IPO11: variants seen among roughly 807,000 people sequenced by gnomAD.
IPO11 encodes the protein importin-11.
Under a neutral mutation model 143.2 loss-of-function variants are expected in IPO11, and 66 were observed. That is an observed-to-expected ratio of 0.46 (90% CI 0.38 to 0.57). IPO11 has a LOEUF of 0.57. IPO11 is among the 20% of genes least tolerant of loss of function. The pLI, the probability that IPO11 is intolerant of heterozygous loss-of-function variation, is 0.00. For synonymous variants in IPO11, 385 were observed against 377.8 expected, an observed-to-expected ratio of 1.02 and a Z score of -0.22; for missense variants, 1,026 against 1,141.0, an observed-to-expected ratio of 0.90 and a Z score of 1.45.
intron 1 of IPO11, among the ~76,000 whole-genome samples, chr5:62,429,376 A>G (rs1743889594): frequency 6.6e-6 from 1 of 152,096 alleles, no homozygotes; most frequent in African/African-American, 2.4e-5. Context: ...ATAATACTTC[A>G]TTGTATGGAA....
intron 26 of IPO11, among the ~76,000 whole-genome samples, chr5:62,553,135 G>A (rs1743447206): frequency 6.6e-6 from 1 of 151,828 alleles, no homozygotes; most frequent in Non-Finnish European, 1.5e-5. Context: ...TCCCAGTCTA[G>A]TAACCACTAT....
At chr5:62,560,267 C>T (rs897408248) in intron 26 of IPO11, among the ~76,000 whole-genome samples, 5 of 152,082 alleles carry the variant, frequency 3.3e-5, no homozygotes, top group African/African-American at 1.2e-4. Flanking sequence ...TCATTTTTGT[C>T]TCCGCAGTCA....
chr5:62,420,417 G>A (rs527490997), intron 1 of IPO11, among the ~76,000 whole-genome samples: 1 of 152,168 alleles, frequency 6.6e-6, no homozygotes, highest in African/African-American at 2.4e-5. Context: ...ACAAATGGCA[G>A]TGCAGTAGGT....
chr5:62,541,392 T>C (rs1742933461), intron 24 of IPO11, among the ~76,000 whole-genome samples: 1 of 151,156 alleles, frequency 6.6e-6, no homozygotes, highest in African/African-American at 2.4e-5. Context: ...AAAAAAATTG[T>C]ATTTTGACCA....
In IPO11 at chr5:62,524,083, G is replaced by A. The variant is rs192318694; in HGVS notation, c.1897-2059G>A. Among the ~76,000 whole-genome samples the A allele has an allele frequency of 6.6e-5, 10 of 151,972 alleles. No homozygotes were observed. The East Asian group carries it at 1.2e-3, about 18-fold the overall frequency. On this transcript the variant is annotated intron_variant, in intron 20 of 29. Coordinates refer to ENST00000325324, the MANE Select transcript of IPO11 (RefSeq NM_016338.5). The stretch of plus-strand genomic sequence containing the variant: ...TGGTAGTTTTCTTATTTTAATAACC[G>A]ATGAATTCATTTTTGAACTTTCAGA...
At chr5:62,418,885 T>C in intron 1 of IPO11, 1 of 1,092,744 alleles carries the variant, frequency 9.2e-7, no homozygotes, top group African/African-American at 1.6e-5. Context: ...TCTGTGATTA[T>C]AGCACCAGGT....
At chr5:62,531,371 T>C (rs764580184) in intron 22 of IPO11, among the ~76,000 whole-genome samples, 4 of 152,130 alleles carry the variant, frequency 2.6e-5, no homozygotes, top group Admixed American at 6.6e-5. Context: ...AGTTTCACTC[T>C]TGTTGCGTGG....
chr5:62,515,455 A>G lies in IPO11; in HGVS notation c.1850A>G (p.Asn617Ser), dbSNP rs372820120. ...CTTTGGAAGCAGAGTGAAGAACACA[A>G]TATGTTGAGATGTGCTATTTTGACA... is the stretch of plus-strand genomic sequence containing the variant. ...PLLWKQSEEH[N>S]MLRCAILTTL... Residue 617 changes from asparagine to serine, a missense_variant, in exon 20 of 30, where the codon AAT becomes AGT. Physicochemically the swap from Asn to Ser is conservative, Grantham distance 46. Around this residue, in one of 5 missense-constraint regions of IPO11, gnomAD observed 237 missense variants for 288.0 expected, o/e 0.82. Coordinates refer to ENST00000325324, the MANE Select transcript of IPO11 (RefSeq NM_016338.5). The G allele has an allele frequency of 1.9e-6, 3 of 1,610,638 alleles. No homozygotes were observed. The highest frequency in any genetic ancestry group is 1.7e-6 in the Non-Finnish European group (2 of 1,178,768).
chr5:62,606,666 C>G (rs1251954668), intron 29 of IPO11, among the ~76,000 whole-genome samples: 1 of 151,594 alleles, frequency 6.6e-6, no homozygotes, highest in Non-Finnish European at 1.5e-5. Context: ...GAAACCCCAT[C>G]TCTACTAAAA....
At chr5:62,553,021 C>G (rs1430772233) in intron 26 of IPO11, among the ~76,000 whole-genome samples, 1 of 152,084 alleles carries the variant, frequency 6.6e-6, no homozygotes, top group Non-Finnish European at 1.5e-5. Flanking sequence ...CTGTAGTTAT[C>G]CTGCAGTGCT....
rs147340303 is a variant in IPO11 at position 62,488,981 on chromosome 5, C to A, written c.1310-321C>A. On this transcript the variant is annotated intron_variant, in intron 13 of 29. Transcript: ENST00000325324. Reference sequence around the variant, plus strand: ...AAACCTCACTCCACTGTACTCCAGCCTGGGTGACAAAGCAAGACCTTGTCT... The same window carrying A: ...AAACCTCACTCCACTGTACTCCAGCATGGGTGACAAAGCAAGACCTTGTCT... Among the ~76,000 whole-genome samples, 85 of 152,260 alleles carry A rather than the reference C, an allele frequency of 5.6e-4. 1 individual carries two copies. Among genetic ancestry groups the A allele is most frequent in the African/African-American group, 1.8e-3 (75 of 41,548 alleles).
At chr5:62,581,866 G>A (rs1402201672) in intron 27 of IPO11, among the ~76,000 whole-genome samples, 1 of 152,166 alleles carries the variant, frequency 6.6e-6, no homozygotes, top group African/African-American at 2.4e-5. Context: ...CATTTGTGGA[G>A]GTGAGAGATG....
intron 9 of IPO11, among the ~76,000 whole-genome samples, chr5:62,480,393 T>A (rs1213419424): frequency 6.6e-6 from 1 of 152,204 alleles, no homozygotes; most frequent in Non-Finnish European, 1.5e-5. Flanking sequence ...GCTTTGTTCT[T>A]TTGGCTTAGG....
At chr5:62,413,135 G>A (rs1743175296) in intron 1 of IPO11, among the ~76,000 whole-genome samples, 1 of 152,222 alleles carries the variant, frequency 6.6e-6, no homozygotes, top group African/African-American at 2.4e-5. Context: ...CCCGGGAGTG[G>A]GCAGCATGGT....
intron 29 of IPO11, among the ~76,000 whole-genome samples, chr5:62,608,130 A>G (rs1194830818): frequency 6.6e-6 from 1 of 152,106 alleles, no homozygotes; most frequent in Non-Finnish European, 1.5e-5. Flanking sequence ...CTCATGCCAC[A>G]TCTTGACCCC....
chr5:62,518,236 G>C lies in IPO11; in HGVS notation c.1896+2735G>C, dbSNP rs1403316791. ...CGAGGCGGGTGAATCACGAGGTCAG[G>C]AGATTGAGACCATCCTGGCCAACAT... On this transcript the variant is annotated intron_variant, in intron 20 of 29. Coordinates refer to ENST00000325324, the MANE Select transcript of IPO11 (RefSeq NM_016338.5). Among the ~76,000 whole-genome samples, 4 of 152,040 alleles carry C rather than the reference G, an allele frequency of 2.6e-5. No individual in the cohort carries two copies. In the East Asian group the frequency reaches 5.8e-4, roughly 22 times the overall value.
At chr5:62,546,569 C>A (rs1473529585) in intron 24 of IPO11, among the ~76,000 whole-genome samples, 1 of 152,034 alleles carries the variant, frequency 6.6e-6, no homozygotes, top group Non-Finnish European at 1.5e-5. Context: ...GCACGTTGTG[C>A]ACTTGTACCC....
At chr5:62,441,532 T>A (rs550282458) in intron 2 of IPO11, among the ~76,000 whole-genome samples, 21 of 80,420 alleles carry the variant, frequency 2.6e-4, no homozygotes, top group African/African-American at 1.1e-3. Flanking sequence ...TTTTTTTTTA[T>A]GGGACAGAGT....
intron 1 of IPO11, among the ~76,000 whole-genome samples, chr5:62,427,214 A>T (rs971420607): frequency 6.6e-6 from 1 of 151,950 alleles, no homozygotes; most frequent in African/African-American, 2.4e-5. Flanking sequence ...TGCTGGGATT[A>T]CACACGTGAG....
Sources: gnomAD v4.1 joint callset for allele counts (sites outside exome capture counted in the v4.1 genomes callset) on GRCh38, gnomAD v4.1.1 for gene constraint, gnomAD v4.1.1 regional missense constraint, MANE v1.5 for transcripts, NCBI Gene and HGNC (gene_info 2026-07-23, HGNC 2026-07-21) for gene names.